Variants in SHC1 observed in about 807,000 individuals in gnomAD.
The protein encoded by SHC1 is SHC adaptor protein 1.
In SHC1, 30 loss-of-function variants were observed where a neutral mutation model predicts 55.9. The ratio of observed to expected loss-of-function variants is 0.54; its 90% CI spans 0.40 to 0.73. The LOEUF (loss-of-function observed/expected upper bound fraction) is 0.73. Ranked by LOEUF, SHC1 falls within the 30% of genes least tolerant of loss-of-function variation. The pLI, the probability that SHC1 is intolerant of heterozygous loss-of-function variation, is 0.00. For synonymous variants in SHC1, 309 were observed against 306.1 expected (o/e 1.01, Z -0.10); for missense variants, 675 against 777.1 (o/e 0.87, Z 1.56).
Position 154,969,396 on chromosome 1 carries a change from G to A in SHC1, c.548C>T (p.Thr183Ile), listed in dbSNP as rs777174298. The A allele has an allele frequency of 6.2e-7, 1 of 1,611,416 alleles. No homozygotes were observed. The highest frequency in any genetic ancestry group is 1.1e-5 in the South Asian group (1 of 90,562). ...CACTAACCTGGTGACCTGAGTCCGG[G>A]TGTTGAAGTCCAGGGCACGCATTGA... ...LQSMRALDFN[T>I]RTQVTREAIS... The change falls in exon 2 of 12, where the codon ACC becomes ATC. Residue 183 changes from threonine (T) to isoleucine (I), a missense_variant. By Grantham distance (89) the Thr-to-Ile change is moderately conservative. This residue lies in a region of SHC1 where 159 missense variants were observed against 246.9 expected (regional missense o/e 0.64). Coordinates refer to ENST00000448116, the MANE Select transcript of SHC1 (RefSeq NM_001130040.2).
In SHC1 at chr1:154,967,657, C is replaced by T. The variant is rs754665041; in HGVS notation, c.983+14G>A. The T allele has an allele frequency of 2.0e-5, 32 of 1,613,146 alleles. No homozygotes were observed. Among genetic ancestry groups the T allele is most frequent in the South Asian group, 1.2e-4 (11 of 90,948 alleles). On this transcript the variant is annotated intron_variant, in intron 7 of 11. Transcript: ENST00000448116. ...TAATCCAAGAGCTGCTCCACACTCT[C>T]CCCACCTGCTCACCTGTCATGAGGG...
At chr1:154,964,294 G>A (rs1245800429) in intron 11 of SHC1, 2 of 472,308 alleles carry the variant, frequency 4.2e-6, no homozygotes, top group South Asian at 3.1e-5. Flanking sequence ...CCAGCACTCT[G>A]GGAGGCCGAG....
At position 154,966,419 on chromosome 1, in the gene SHC1, C is replaced by T. The variant is rs776204134; in HGVS notation, c.1082G>A (p.Gly361Glu). ...CCGAAGCCTCATGTCTACCACCCCC[C>T]CCAAGGGGGGTTCCTTCCCCGGGAA... is the stretch of plus-strand genomic sequence containing the variant. ...NDFPGKEPPL[G>E]GVVDMRLREG... The change falls in exon 8 of 12, where the codon GGG becomes GAG. Residue 361 changes from glycine to glutamate, a missense_variant. By Grantham distance (98) the Gly-to-Glu change is moderately conservative. Around this residue, in one of 3 missense-constraint regions of SHC1, gnomAD observed 360 missense variants for 371.1 expected, o/e 0.97. Coordinates refer to ENST00000448116, the MANE Select transcript of SHC1 (RefSeq NM_001130040.2). 3.1e-6 allele frequency: 5 copies of T among 1,613,814 alleles called. No homozygotes were observed. The highest frequency in any genetic ancestry group is 1.1e-5 in the South Asian group (1 of 91,012).
chr1:154,968,935 C>G, intron 2 of SHC1, 101 bp from the exon 3 acceptor site: 1 of 943,914 alleles, frequency 1.1e-6, no homozygotes, highest in African/African-American at 1.6e-5. Context: ...GGCCAGACTC[C>G]CAGGGCACTC....
chr1:154,970,599 G>T lies in SHC1; in HGVS notation c.-73C>A, dbSNP rs1656645399. 19 of 1,010,608 alleles carry T rather than the reference G, an allele frequency of 1.9e-5. No homozygotes were observed. The South Asian group carries it at 2.6e-4, about 14-fold the overall frequency. The allele number at this position is 1,010,608 out of a possible 1,614,324, so 62.6% of individuals were successfully genotyped here. On this transcript the variant is annotated 5_prime_UTR_variant, in exon 1 of 12. Coordinates refer to ENST00000448116, the MANE Select transcript of SHC1 (RefSeq NM_001130040.2). This position sits in a 1 kb window ranked among gnomAD's most constrained non-coding sequence, Gnocchi z 5.5. ...TTTGGGCAAGGGGGCCAGGCAGGGG[G>T]TATCCCCAGGCCCTTAGCCTGGTTG... is the stretch of plus-strand genomic sequence containing the variant.
rs1400403633 is a variant in SHC1, at chr1:154,963,891, A to T, written c.1667T>A (p.Leu556His). 1 of 1,614,222 alleles carries T rather than the reference A, an allele frequency of 6.2e-7. No individual in the cohort carries two copies. Among genetic ancestry groups the T allele is most frequent in the South Asian group, 1.1e-5 (1 of 91,086 alleles). The change falls in exon 12 of 12, where the codon CTT becomes CAT. Residue 556 changes from leucine to histidine, a missense_variant. Physicochemically the swap from Leu to His is moderately conservative, Grantham distance 99 (BLOSUM62 -3). Around this residue, in one of 3 missense-constraint regions of SHC1, gnomAD observed 360 missense variants for 371.1 expected, o/e 0.97. Transcript: ENST00000448116. ...GTGATTGTCCATGTGGTAGCTGATA[A>T]GGTGACTGACACTTTCAAAGCGGTG... ...KDHRFESVSH[L>H]ISYHMDNHLP...
intron 8 of SHC1, 29 bp from the exon 9 acceptor site, chr1:154,966,260 G>A: frequency 6.2e-7 from 1 of 1,612,990 alleles, no homozygotes; most frequent in Non-Finnish European, 8.5e-7. Flanking sequence ...GGTGAGACCA[G>A]AAGCCCTAAC....
chr1:154,963,282 C>T lies in SHC1; in HGVS notation c.*521G>A, dbSNP rs1303759708. On this transcript the variant is annotated 3_prime_UTR_variant, in exon 12 of 12. Coordinates refer to ENST00000448116, the MANE Select transcript of SHC1 (RefSeq NM_001130040.2). ...CAGCAAGAACACAGGTCCCAGAAGC[C>T]AAGAAGGTGTTGGCATCCCTGTCAT... 6.5e-6 allele frequency: 1 copy of T among 153,514 alleles called. No homozygotes were observed. The allele number at this position is 153,514 out of a possible 1,614,324, so 9.5% of individuals were successfully genotyped here. A position where few individuals can be genotyped will look rare whatever the true frequency, so the allele number is the denominator to read the frequency against.
rs77859168 is a variant in SHC1, at chr1:154,966,321, A to G, written c.1180T>C (p.Leu394=). 3.5e-4 allele frequency: 570 copies of G among 1,613,728 alleles called. 5 individuals carry two copies. In the Admixed American group the frequency reaches 5.7e-3, roughly 16 times the overall value. ...AQTPSHLGAT[L]PVGQPVGGDP... is the part of the protein sequence containing the mutation. ...CCGCCTCCATCCAAGCAACTTACCA[A>G]TGTAGCTCCCAAGTGGCTGGGGGTC... Residue 394 remains leucine (L), a splice_region_variant and synonymous_variant, in exon 8 of 12, where the codon TTG becomes CTG. Coordinates refer to ENST00000448116, the MANE Select transcript of SHC1 (RefSeq NM_001130040.2).
rs748211803 is a variant in SHC1, at chr1:154,970,352, A to G, written c.175T>C (p.Cys59Arg). Residue 59 changes from cysteine (C) to arginine (R), a missense_variant, in exon 1 of 12, where the codon TGC becomes CGC. Around this residue, in one of 3 missense-constraint regions of SHC1, gnomAD observed 156 missense variants for 159.1 expected, o/e 0.98. Transcript: ENST00000448116. The surrounding 1 kb of genome is among the most constrained non-coding windows in gnomAD (Gnocchi z 5.5). ...TTGCTCATCCGGGGGAAGAAGGAGC[A>G]CAGGGTAGTGGGACTATCGTCCCCA... ...LPGDDSPTTLCSFFPRMSNLR... is the reference protein window; with the variant it reads ...LPGDDSPTTLRSFFPRMSNLR... 9 of 1,606,876 alleles carry G rather than the reference A, an allele frequency of 5.6e-6. No individual in the cohort carries two copies. Among genetic ancestry groups the G allele is most frequent in the African/African-American group, 1.3e-5 (1 of 74,948 alleles).
Position 154,966,069 on chromosome 1 carries a change from G to T in SHC1, c.1264C>A (p.Leu422Ile). 6.2e-7 allele frequency: 1 copy of T among 1,614,024 alleles called. No individual in the cohort carries two copies. Among genetic ancestry groups the T allele is most frequent in the Non-Finnish European group, 8.5e-7 (1 of 1,179,988 alleles). The change falls in exon 10 of 12, where the codon CTT becomes ATT. Residue 422 changes from leucine to isoleucine, a missense_variant. By Grantham distance (5) the Leu-to-Ile change is conservative (BLOSUM62 2). Transcript: ENST00000448116. ...PPPPCPAGRE[L>I]FDDPSYVNVQ... is the part of the protein sequence containing the mutation. ...TTGACATAGGAGGGATCATCAAAAA[G>T]CTCTCTGCCTGCTGAGGAAAGGGAG...
rs181854401 is a variant in SHC1 at position 154,963,984 on chromosome 1, C to T, written c.1627-53G>A. On this transcript the variant is annotated intron_variant, in intron 11 of 11. Transcript: ENST00000448116. ...ATTCAGGTGAAGAGTCAAATAAGAC[C>T]TCAGCCTCCAAGGTGGAAGAGGGTG... 1,961 of 1,602,620 alleles carry T rather than the reference C, an allele frequency of 1.2e-3. 8 individuals are homozygous for T. The highest frequency in any genetic ancestry group is 4.8e-3 in the South Asian group (439 of 90,694).
In SHC1 at chr1:154,968,843, A is replaced by G. The variant is rs1476510917; in HGVS notation, c.567-9T>C. On this transcript the variant is annotated splice_polypyrimidine_tract_variant and intron_variant, in intron 2 of 11. Transcript: ENST00000448116. ...CCAGACTGATGGCCTCCCTGGGGAA[A>G]GAGGGGTACTCAGACCCAGCGCCTG... is the stretch of plus-strand genomic sequence containing the variant. The G allele has an allele frequency of 1.2e-6, 2 of 1,613,680 alleles. No homozygotes were observed. Among genetic ancestry groups the G allele is most frequent in the South Asian group, 1.1e-5 (1 of 91,072 alleles).
upstream of SHC1, among the ~76,000 whole-genome samples, chr1:154,971,843 G>C (rs1656777766): frequency 6.6e-6 from 1 of 151,788 alleles, no homozygotes; most frequent in South Asian, 2.1e-4. Flanking sequence ...GTTGAAGCTG[G>C]ACACAGGGAA....
chr1:154,967,611 G>C, intron 7 of SHC1, 60 bp downstream of exon 7: 1 of 1,574,926 alleles, frequency 6.3e-7, no homozygotes, highest in South Asian at 1.2e-5. Context: ...TGTAGGAAGA[G>C]CAGCCCTCCT....
intron 11 of SHC1, 105 bp from the exon 12 acceptor site, chr1:154,964,036 G>C: frequency 8.3e-7 from 1 of 1,205,326 alleles, no homozygotes; most frequent in Non-Finnish European, 1.2e-6. Flanking sequence ...TGAAGGAGGA[G>C]AAAAAAATGG....
In SHC1 at chr1:154,963,935, G is replaced by A; in HGVS notation, c.1627-4C>T. On this transcript the variant is annotated splice_polypyrimidine_tract_variant and splice_region_variant and intron_variant, in intron 11 of 11. Coordinates refer to ENST00000448116, the MANE Select transcript of SHC1 (RefSeq NM_001130040.2). ...AGCGGTGATCCTTAGTCCGAACCTG[G>A]GAGGGTGGGAAGGAAGAAGGTCAAT... The A allele has an allele frequency of 6.2e-7, 1 of 1,614,074 alleles. No homozygotes were observed. Among genetic ancestry groups the A allele is most frequent in the Non-Finnish European group, 8.5e-7 (1 of 1,179,952 alleles).
intron 1 of SHC1, 123 bp from the exon 2 acceptor site, chr1:154,969,571 C>G: frequency 1.5e-6 from 1 of 667,004 alleles, no homozygotes; most frequent in Non-Finnish European, 2.7e-6. Context: ...GTTCTGCCCA[C>G]TTCCCGTGGC....
At position 154,968,044 on chromosome 1, in the gene SHC1, G is replaced by T. The variant is rs369595707; in HGVS notation, c.805-13C>A. 37 of 1,613,962 alleles carry T rather than the reference G, an allele frequency of 2.3e-5. No homozygotes were observed. The highest frequency in any genetic ancestry group is 2.9e-5 in the Non-Finnish European group (34 of 1,179,996). On this transcript the variant is annotated splice_polypyrimidine_tract_variant and intron_variant, in intron 5 of 11. Coordinates refer to ENST00000448116, the MANE Select transcript of SHC1 (RefSeq NM_001130040.2). ...ACTCGGCTGTGTCCTGGGGAGGAAG[G>T]TCAAAAAATTTTACAGTTCTACTTT... is the stretch of plus-strand genomic sequence containing the variant.
Sources: allele counts gnomAD v4.1 joint callset (sites outside exome capture counted in the v4.1 genomes callset), GRCh38; gene constraint gnomAD v4.1.1; regional missense constraint gnomAD v4.1.1; non-coding constraint Gnocchi (gnomAD v3.1); transcripts MANE v1.5; gene names NCBI Gene and HGNC (gene_info 2026-07-23, HGNC 2026-07-21).